The following MTM1 variants were observed in gnomAD, a reference collection of about 807,000 sequenced individuals.
MTM1 encodes the protein myotubularin 1, also known as myotubularin.
Under a neutral mutation model 52.1 loss-of-function variants are expected in MTM1, and 9 were observed. That is an observed-to-expected ratio of 0.17 (90% CI 0.10 to 0.30). The LOEUF (loss-of-function observed/expected upper bound fraction) is 0.30, where lower values mean the gene tolerates loss of function less well. Among genes scored for constraint, MTM1 ranks in the 10% least tolerant of loss-of-function variants. The pLI is 1.00. For missense variants in MTM1, 277 were observed against 470.7 expected (o/e 0.59, Z 3.81); for synonymous variants, 136 against 163.8 (o/e 0.83, Z 1.29).
At chrX:150,620,582 G>GTAT (rs1200263619) in intron 6 of MTM1, among the ~76,000 whole-genome samples, 1 of 111,666 alleles carries the variant, frequency 9.0e-6, no homozygotes, top group Non-Finnish European at 1.9e-5. Flanking sequence ...CTTGGTTTCT[G>GTAT]TATTCCTGCA....
rs781976699 is a variant in MTM1, at chrX:150,611,933, G to A, written c.232-2656G>A. ...TTCTCAGCCAAGTGTGGTGGCCCAC[G>A]CCTGTAATCCCAGCACTCTGGGAGG... On this transcript the variant is annotated intron_variant, in intron 4 of 14. Coordinates refer to ENST00000370396, the MANE Select transcript of MTM1 (RefSeq NM_000252.3). 8.0e-5 allele frequency among the ~76,000 whole-genome samples: 9 copies of A among 112,303 alleles called. No individual in the cohort carries two copies. In the East Asian group the frequency reaches 8.4e-4, roughly 10 times the overall value.
intron 6 of MTM1, among the ~76,000 whole-genome samples, chrX:150,619,429 T>TA (rs2039441406): frequency 8.9e-6 from 1 of 112,220 alleles, no homozygotes; most frequent in Admixed American, 9.4e-5. Context: ...TACAGATGTG[T>TA]GGTGTAGGTA....
At chrX:150,599,031 TTAAAAA>T (rs201117167) in intron 4 of MTM1, among the ~76,000 whole-genome samples, 3 of 110,865 alleles carry the variant, frequency 2.7e-5, no homozygotes, top group African/African-American at 6.5e-5. Context: ...TCCATAAAAG[TTAAAAA>T]TAAAAAAATA....
At chrX:150,588,447 T>C (rs957304534) in intron 1 of MTM1, among the ~76,000 whole-genome samples, 7 of 112,512 alleles carry the variant, frequency 6.2e-5, no homozygotes, top group Middle Eastern at 4.6e-3. Flanking sequence ...AATTATTTTC[T>C]AGTTCTGCTG....
intron 1 of MTM1, among the ~76,000 whole-genome samples, chrX:150,579,346 G>A (rs781821509): frequency 3.6e-5 from 4 of 110,800 alleles, no homozygotes; most frequent in South Asian, 3.8e-4. Context: ...GAGCCACCAC[G>A]CCTGGCCCAA....
intron 8 of MTM1, among the ~76,000 whole-genome samples, chrX:150,642,966 G>T (rs1015687360): frequency 1.8e-5 from 2 of 110,832 alleles, no homozygotes; most frequent in Admixed American, 9.6e-5. Flanking sequence ...CTTTATCATG[G>T]CCACCAATTT....
chrX:150,666,465 A>G (rs2040306120), intron 14 of MTM1, among the ~76,000 whole-genome samples: 1 of 112,489 alleles, frequency 8.9e-6, no homozygotes, highest in Non-Finnish European at 1.9e-5. Flanking sequence ...CTAATTGCAC[A>G]TGCTCATTGT....
chrX:150,579,716 G>A (rs1448285125), intron 1 of MTM1, among the ~76,000 whole-genome samples: 1 of 109,042 alleles, frequency 9.2e-6, no homozygotes, highest in Non-Finnish European at 1.9e-5. Flanking sequence ...TGCCCAGGCT[G>A]GTCTCAACTT....
upstream of MTM1, among the ~76,000 whole-genome samples, chrX:150,568,071 T>C (rs1371114906): frequency 4.5e-5 from 5 of 112,120 alleles, no homozygotes; most frequent in Middle Eastern, 4.2e-3. Context: ...CAGCTGTTAG[T>C]TGAGTTTGTG....
intron 4 of MTM1, among the ~76,000 whole-genome samples, chrX:150,610,765 A>G (rs1557412966): frequency 8.9e-6 from 1 of 111,909 alleles, no homozygotes; most frequent in South Asian, 3.7e-4. Context: ...GTGTAGGGCC[A>G]GGGCTCTTTG....
chrX:150,656,512 T>A (rs2040117340), intron 10 of MTM1, among the ~76,000 whole-genome samples: 1 of 112,171 alleles, frequency 8.9e-6, no homozygotes, highest in South Asian at 3.7e-4. Flanking sequence ...TTTTGTTGTT[T>A]AAGCCTCATA....
chrX:150,627,029 C>T (rs782107682), intron 6 of MTM1, among the ~76,000 whole-genome samples: 28 of 111,301 alleles, frequency 2.5e-4, no homozygotes, highest in Non-Finnish European at 5.1e-4. Context: ...CTCCCTATTG[C>T]CTGTCCTCTG....
At chrX:150,572,127 C>T (rs1459682439) in intron 1 of MTM1, among the ~76,000 whole-genome samples, 1 of 111,703 alleles carries the variant, frequency 9.0e-6, no homozygotes, top group Non-Finnish European at 1.9e-5. Flanking sequence ...TAGAAAGCTT[C>T]CTGCATTTGG....
intron 1 of MTM1, among the ~76,000 whole-genome samples, chrX:150,588,421 A>G (rs1333762364): frequency 8.9e-6 from 1 of 112,375 alleles, no homozygotes; most frequent in Non-Finnish European, 1.9e-5. Flanking sequence ...CAAAGGCCCT[A>G]TGAGGCAGAG....
chrX:150,593,063 T>G (rs965706088), intron 2 of MTM1, among the ~76,000 whole-genome samples: 5 of 112,224 alleles, frequency 4.5e-5, no homozygotes, highest in Non-Finnish European at 7.5e-5. Context: ...AGGCTTGTCT[T>G]GAACTCCTGA....
At chrX:150,647,221 A>AT (rs373023705) in intron 9 of MTM1, among the ~76,000 whole-genome samples, 1 of 101,617 alleles carries the variant, frequency 9.8e-6, no homozygotes, top group African/African-American at 3.9e-5. Context: ...ATATATATAT[A>AT]GCAATATTTT....
chrX:150,588,214 A>T (rs2038823570), intron 1 of MTM1, among the ~76,000 whole-genome samples: 1 of 112,414 alleles, frequency 8.9e-6, no homozygotes, highest in Non-Finnish European at 1.9e-5. Context: ...CCAGAGAAAG[A>T]GCATGATTGA....
chrX:150,646,160 A>G (rs1557413970), intron 9 of MTM1, among the ~76,000 whole-genome samples: 1 of 112,197 alleles, frequency 8.9e-6, no homozygotes, highest in Admixed American at 9.5e-5. Flanking sequence ...AAGCCCTTTC[A>G]GCTGTGGATG....
chrX:150,598,626 C>A lies in MTM1; in HGVS notation c.171C>A (p.Gly57=), dbSNP rs782505553. 1 of 1,197,666 alleles carries A rather than the reference C, an allele frequency of 8.3e-7. No homozygotes were observed. Among genetic ancestry groups the A allele is most frequent in the Admixed American group, 2.2e-5 (1 of 45,626 alleles). Reference sequence around the variant, plus strand: ...TTATTTACATATGTCCTTTCAATGGCCCCATTAAGGGAAGAGTTTACATCA... The same window carrying A: ...TTATTTACATATGTCCTTTCAATGGACCCATTAAGGGAAGAGTTTACATCA... ...KEVIYICPFN[G]PIKGRVYITN... Residue 57 remains glycine (G), a synonymous_variant, in exon 4 of 15, where the codon GGC becomes GGA. Transcript: ENST00000370396.
Sources: gnomAD v4.1 joint callset for allele counts (sites outside exome capture counted in the v4.1 genomes callset) on GRCh38, gnomAD v4.1.1 for gene constraint, MANE v1.5 for transcripts, NCBI Gene and HGNC (gene_info 2026-07-23, HGNC 2026-07-21) for gene names.